PRH1: variants seen among roughly 807,000 people sequenced by gnomAD.
PRH1 encodes salivary acidic proline-rich phosphoprotein 1/2.
A neutral mutation model predicts 7.9 loss-of-function variants in PRH1; 7 were observed. The ratio of observed to expected loss-of-function variants is 0.89; its 90% CI spans 0.50 to 1.67. The LOEUF is 1.67. Ranked by LOEUF, PRH1 falls within the 40% of genes most tolerant of loss-of-function variation. The pLI, the probability that PRH1 is intolerant of heterozygous loss-of-function variation, is 0.00. For missense variants in PRH1, 109 were observed against 223.6 expected (o/e 0.49, Z 3.27); for synonymous variants, 45 against 80.8 (o/e 0.56, Z 2.38).
intron 1 of PRH1, among the ~76,000 whole-genome samples, chr12:11,135,273 G>A (rs1465706338): frequency 6.6e-6 from 1 of 152,022 alleles, no homozygotes; most frequent in African/African-American, 2.4e-5. Context: ...TTACTTTGAT[G>A]AACAAAAAAT....
chr12:10,954,124 G>C (rs1937831663), intron 2 of PRH1, among the ~76,000 whole-genome samples: 2 of 152,106 alleles, frequency 1.3e-5, no homozygotes, highest in South Asian at 4.1e-4. Flanking sequence ...GCTAATCATA[G>C]AAAAGAAAGA....
chr12:11,078,527 A>G (rs1284456893), intron 1 of PRH1: 1 of 153,106 alleles, frequency 6.5e-6, no homozygotes, highest in Non-Finnish European at 1.4e-5. Context: ...ATTTTTTTAT[A>G]CTCATGTTGA....
chr12:11,059,775 C>T, intron 1 of PRH1, among the ~76,000 whole-genome samples: 1 of 151,820 alleles, frequency 6.6e-6, no homozygotes, highest in Admixed American at 6.6e-5. Context: ...AACCTGAGAA[C>T]AGAACAGGGG....
intron 2 of PRH1, chr12:10,908,863 T>A: frequency 6.2e-7 from 1 of 1,613,154 alleles, no homozygotes; most frequent in Non-Finnish European, 8.5e-7. Flanking sequence ...TTTATTTGTA[T>A]CAGATTTAAA....
chr12:11,067,282 T>C (rs1943865810), intron 1 of PRH1, among the ~76,000 whole-genome samples: 1 of 152,320 alleles, frequency 6.6e-6, no homozygotes, highest in South Asian at 2.1e-4. Flanking sequence ...ATGATTAGTA[T>C]TGTGAAATTA....
At chr12:10,954,900 G>T (rs1268734896) in intron 2 of PRH1, among the ~76,000 whole-genome samples, 2 of 152,160 alleles carry the variant, frequency 1.3e-5, no homozygotes, top group Non-Finnish European at 2.9e-5. Context: ...AAATGTATAT[G>T]CACCTGACAA....
intron 1 of PRH1, among the ~76,000 whole-genome samples, chr12:11,003,350 G>A (rs1458387935): frequency 1.3e-5 from 2 of 151,510 alleles, no homozygotes; most frequent in African/African-American, 2.4e-5. Context: ...AAACCTAAAT[G>A]CACAGTAAAA....
intron 1 of PRH1, among the ~76,000 whole-genome samples, chr12:11,037,419 T>A (rs1191153698): frequency 6.6e-6 from 1 of 152,240 alleles, no homozygotes; most frequent in Non-Finnish European, 1.5e-5. Context: ...AGCCAAAAAA[T>A]TTATAGTAAC....
chr12:10,938,237 T>C lies in PRH1; in HGVS notation c.-59+35418A>G, dbSNP rs530614429. The C allele has an allele frequency of 4.3e-5, 64 of 1,483,282 alleles. 1 individual carries two copies. In the South Asian group the frequency reaches 8.2e-4, roughly 19 times the overall value. The allele number at this position is 1,483,282 out of a possible 1,614,324, so 91.9% of individuals were successfully genotyped here. A position where few individuals can be genotyped will look rare whatever the true frequency, so the allele number is the denominator to read the frequency against. ...ACATACAAGAATTTCTTAGGAGCTA[T>C]TTTTTTTCTAATATATTCAAGATGA... On this transcript the variant is annotated intron_variant, in intron 2 of 3. Coordinates refer to the PRH1 transcript ENST00000539853.
intron 1 of PRH1, among the ~76,000 whole-genome samples, chr12:11,003,210 C>T (rs1404335581): frequency 6.6e-6 from 1 of 151,908 alleles, no homozygotes; most frequent in African/African-American, 2.4e-5. Context: ...TTCAGCAAAA[C>T]TCTAATTACG....
chr12:11,139,923 T>C (rs1946657992), intron 1 of PRH1, among the ~76,000 whole-genome samples: 1 of 152,030 alleles, frequency 6.6e-6, no homozygotes, highest in South Asian at 2.1e-4. Flanking sequence ...GTAAGAGTAA[T>C]ATTTACAGTT....
intron 1 of PRH1, among the ~76,000 whole-genome samples, chr12:11,064,851 G>A (rs1316228245): frequency 6.6e-6 from 1 of 151,912 alleles, no homozygotes; most frequent in African/African-American, 2.4e-5. Flanking sequence ...GGAACACCCA[G>A]GAGTTCAAGA....
chr12:11,043,386 G>T (rs35757481), intron 1 of PRH1, among the ~76,000 whole-genome samples: 32,013 of 152,056 alleles, frequency 0.21, 3,972 homozygotes, highest in Non-Finnish European at 0.27. Context: ...TCTGGAACAT[G>T]CCAAAAATGC....
chr12:10,915,893 A>T (rs1335413812), intron 2 of PRH1, among the ~76,000 whole-genome samples: 1 of 152,342 alleles, frequency 6.6e-6, no homozygotes, highest in East Asian at 1.9e-4. Context: ...TTTATGAACC[A>T]TCATTTGCAA....
intron 1 of PRH1, among the ~76,000 whole-genome samples, chr12:11,127,031 C>T (rs1946155797): frequency 6.6e-6 from 1 of 152,150 alleles, no homozygotes; most frequent in Admixed American, 6.5e-5. Flanking sequence ...TTTCTATGTG[C>T]TCCTGATTTC....
At chr12:10,931,014 C>T (rs1157461639) in intron 2 of PRH1, 6 of 1,593,548 alleles carry the variant, frequency 3.8e-6, no homozygotes, top group Non-Finnish European at 1.7e-6. Flanking sequence ...GACCACCTCC[C>T]CAAGGGGGCC....
chr12:10,960,247 A>G (rs1267297029), intron 2 of PRH1, among the ~76,000 whole-genome samples: 1 of 152,244 alleles, frequency 6.6e-6, no homozygotes, highest in Non-Finnish European at 1.5e-5. Flanking sequence ...GCCAGTTCTC[A>G]GGACTGAGCC....
At chr12:10,902,567 C>A (rs190561745) in intron 2 of PRH1, among the ~76,000 whole-genome samples, 4 of 151,768 alleles carry the variant, frequency 2.6e-5, no homozygotes, top group Admixed American at 1.3e-4. Flanking sequence ...AGCATATAGT[C>A]GCCAGACTAT....
chr12:11,065,009 C>T (rs551834088), intron 1 of PRH1, among the ~76,000 whole-genome samples: 1 of 152,112 alleles, frequency 6.6e-6, no homozygotes, highest in Admixed American at 6.6e-5. Flanking sequence ...TGAACTCCAG[C>T]CTGGACACCA....
Sources: gnomAD v4.1 joint callset for allele counts (sites outside exome capture counted in the v4.1 genomes callset) on GRCh38, gnomAD v4.1.1 for gene constraint, MANE v1.5 for transcripts, NCBI Gene and HGNC (gene_info 2026-07-23, HGNC 2026-07-21) for gene names.